Variants in CAMTA1 observed in about 807,000 individuals in gnomAD.
The protein encoded by CAMTA1 is calmodulin binding transcription activator 1.
A neutral mutation model predicts 170.9 loss-of-function variants in CAMTA1; 27 were observed. The ratio of observed to expected loss-of-function variants is 0.16; its 90% confidence interval spans 0.12 to 0.22. The LOEUF (loss-of-function observed/expected upper bound fraction) is 0.22. CAMTA1 is among the 10% of genes least tolerant of loss of function. The pLI is 1.00. For synonymous variants in CAMTA1, 833 were observed against 891.5 expected (o/e 0.93, Z 1.17); for missense variants, 1,619 against 2,217.2 (o/e 0.73, Z 5.42).
At chr1:7,581,968 A>G (rs1190365773) in intron 6 of CAMTA1, among the ~76,000 whole-genome samples, 2 of 152,134 alleles carry the variant, frequency 1.3e-5, no homozygotes, top group Admixed American at 6.5e-5. Context: ...TGGTGTGATG[A>G]TATTCGTGTG....
chr1:7,655,015 CCCCTATATACACAA>C (rs2095876697), intron 7 of CAMTA1, among the ~76,000 whole-genome samples: 1 of 147,044 alleles, frequency 6.8e-6, no homozygotes, highest in Non-Finnish European at 1.5e-5. Flanking sequence ...TATACACACA[CCCCTATATACACAA>C]ACACACCCAC....
chr1:7,047,833 G>T (rs1315875482), intron 3 of CAMTA1, among the ~76,000 whole-genome samples: 3 of 151,762 alleles, frequency 2.0e-5, no homozygotes, highest in Non-Finnish European at 4.4e-5. Context: ...CAGGGGATAT[G>T]CCTGGATGTC....
chr1:7,148,103 CCA>C (rs1380219876), intron 4 of CAMTA1, among the ~76,000 whole-genome samples: 6 of 151,480 alleles, frequency 4.0e-5, no homozygotes, highest in South Asian at 2.1e-4. Flanking sequence ...CAAACATACA[CCA>C]CACACACGCA....
At chr1:7,507,816 C>G (rs2094143357) in intron 6 of CAMTA1, among the ~76,000 whole-genome samples, 1 of 152,194 alleles carries the variant, frequency 6.6e-6, no homozygotes, top group African/African-American at 2.4e-5. Flanking sequence ...CCTCTGCCAC[C>G]TGCGCCAGCC....
At chr1:6,790,551 T>C (rs1396914595) in intron 1 of CAMTA1, among the ~76,000 whole-genome samples, 1 of 152,154 alleles carries the variant, frequency 6.6e-6, no homozygotes, top group Non-Finnish European at 1.5e-5. Context: ...TAGAGTCAAA[T>C]GTATTTTTTA....
At position 6,961,166 on chromosome 1, in the gene CAMTA1, A is replaced by G. The variant is rs1458556914; in HGVS notation, c.235-130138A>G. Reference sequence around the variant, plus strand: ...TGTCTGAATTTAGGAAGGTTTGGAGAAAGCGATTGGGCTGCGATGCAGTTA... The same window carrying G: ...TGTCTGAATTTAGGAAGGTTTGGAGGAAGCGATTGGGCTGCGATGCAGTTA... On this transcript the variant is annotated intron_variant, in intron 3 of 22. Coordinates refer to ENST00000303635, the MANE Select transcript of CAMTA1 (RefSeq NM_015215.4). Among the ~76,000 whole-genome samples, 5 of 152,320 alleles carry G rather than the reference A, an allele frequency of 3.3e-5. No homozygotes were observed. In the East Asian group the frequency reaches 5.8e-4, roughly 18 times the overall value.
rs1641666745 is a variant in CAMTA1, at chr1:7,093,056, C to T, written c.302+1685C>T. 6.6e-6 allele frequency among the ~76,000 whole-genome samples: 1 copy of T among 152,220 alleles called. No homozygotes were observed. The highest frequency in any genetic ancestry group is 6.5e-5 in the Admixed American group (1 of 15,288). On this transcript the variant is annotated intron_variant, in intron 4 of 22. Transcript: ENST00000303635. This position sits in a 1 kb window ranked among gnomAD's most constrained non-coding sequence, Gnocchi z 4.6. ...GTGGGCGGTGGAGAGGATGGGAATA[C>T]AGTGCACTATTTGGTGAATACGGCC...
chr1:7,010,970 C>T lies in CAMTA1; in HGVS notation c.235-80334C>T, dbSNP rs375576746. 2.0e-5 allele frequency among the ~76,000 whole-genome samples: 3 copies of T among 152,154 alleles called. No homozygotes were observed. In the South Asian group the frequency reaches 6.2e-4, roughly 32 times the overall value. The stretch of plus-strand genomic sequence containing the variant: ...TGCAGGTGCTGGTGAGGGTGGCTGC[C>T]GCTGTCCAGCCCTGATCTCTGGGGC... On this transcript the variant is annotated intron_variant, in intron 3 of 22. Transcript: ENST00000303635. This position sits in a 1 kb window ranked among gnomAD's most constrained non-coding sequence, Gnocchi z 4.4.
At chr1:7,212,408 CT>C (rs1382555743) in intron 4 of CAMTA1, among the ~76,000 whole-genome samples, 1 of 152,166 alleles carries the variant, frequency 6.6e-6, no homozygotes, top group Admixed American at 6.5e-5. Flanking sequence ...TTATTATCTC[CT>C]TATCTGTTTT....
rs572041374 is a variant in CAMTA1, at chr1:7,676,970, C to G, written c.2780-629C>G. 1.5e-3 allele frequency among the ~76,000 whole-genome samples: 224 copies of G among 152,234 alleles called. 1 individual carries two copies. Among genetic ancestry groups the G allele is most frequent in the African/African-American group, 5.2e-3 (216 of 41,544 alleles). On this transcript the variant is annotated intron_variant, in intron 10 of 22. Coordinates refer to ENST00000303635, the MANE Select transcript of CAMTA1 (RefSeq NM_015215.4). ...GCAGTTAACGAGACCTGCCAGGGCCCTGTCTTCCAGAGCTTACTGTCGGGC... is the reference window on the plus strand; with the variant it reads ...GCAGTTAACGAGACCTGCCAGGGCCGTGTCTTCCAGAGCTTACTGTCGGGC...
chr1:7,392,276 A>ATTT (rs2088800851), intron 5 of CAMTA1, among the ~76,000 whole-genome samples: 8 of 67,696 alleles, frequency 1.2e-4, no homozygotes, highest in African/African-American at 1.5e-4. Flanking sequence ...TTTTTTTTTG[A>ATTT]GTCAGTTTTG....
At chr1:6,860,476 CCTGAA>C (rs1283936917) in intron 3 of CAMTA1, among the ~76,000 whole-genome samples, 1 of 152,172 alleles carries the variant, frequency 6.6e-6, no homozygotes, top group Non-Finnish European at 1.5e-5. Flanking sequence ...TGGTTTTTTA[CCTGAA>C]CTCCTTGTTC....
chr1:7,343,620 G>A (rs755386445), intron 5 of CAMTA1, among the ~76,000 whole-genome samples: 21 of 152,038 alleles, frequency 1.4e-4, no homozygotes, highest in Non-Finnish European at 2.6e-4. Flanking sequence ...TGTCTGCCAC[G>A]GGCTCTTCTC....
intron 6 of CAMTA1, among the ~76,000 whole-genome samples, chr1:7,544,645 C>T (rs1419426954): frequency 6.6e-6 from 1 of 152,198 alleles, no homozygotes; most frequent in Non-Finnish European, 1.5e-5. Flanking sequence ...TATAACATAA[C>T]ACCTGAGGCT....
intron 5 of CAMTA1, among the ~76,000 whole-genome samples, chr1:7,279,004 G>A (rs1671126963): frequency 6.6e-6 from 1 of 152,048 alleles, no homozygotes. Context: ...AGGAGAAGGG[G>A]AAGGCATTTG....
At chr1:7,746,175 A>G (rs1033025723) in intron 18 of CAMTA1, 84 bp downstream of exon 18, 4 of 1,474,382 alleles carry the variant, frequency 2.7e-6, no homozygotes, top group Non-Finnish European at 1.8e-6. Context: ...GAACAAAAAC[A>G]TTTACTATTT....
chr1:7,725,490 CT>C (rs534789175), intron 11 of CAMTA1, among the ~76,000 whole-genome samples: 39 of 152,334 alleles, frequency 2.6e-4, no homozygotes, highest in Non-Finnish European at 5.1e-4. Flanking sequence ...GTCAACAGAG[CT>C]ACTGCGGATG....
At chr1:7,429,563 GGAT>G (rs1389083529) in intron 5 of CAMTA1, among the ~76,000 whole-genome samples, 7 of 151,824 alleles carry the variant, frequency 4.6e-5, no homozygotes, top group South Asian at 2.1e-4. Flanking sequence ...GTGATAATAT[GGAT>G]GATGATGATG....
intron 4 of CAMTA1, among the ~76,000 whole-genome samples, chr1:7,130,424 A>G (rs1645183772): frequency 6.6e-6 from 1 of 152,212 alleles, no homozygotes; most frequent in African/African-American, 2.4e-5. Context: ...GCAAAATTAC[A>G]TGTACACATC....
Sources: gnomAD v4.1 joint callset for allele counts (sites outside exome capture counted in the v4.1 genomes callset) on GRCh38, gnomAD v4.1.1 for gene constraint, Gnocchi (gnomAD v3.1) non-coding constraint, MANE v1.5 for transcripts, NCBI Gene and HGNC (gene_info 2026-07-23, HGNC 2026-07-21) for gene names.